Variants in ARHGAP10 observed in about 807,000 individuals in gnomAD.
The protein encoded by ARHGAP10 is Rho GTPase activating protein 10.
ARHGAP10 carries 87 observed loss-of-function variants against 108.6 expected under a neutral mutation model. The observed-to-expected ratio is 0.80, with a 90% CI of 0.67 to 0.96. The LOEUF (loss-of-function observed/expected upper bound fraction) is 0.96, where lower values mean the gene tolerates loss of function less well. Ranked by LOEUF, ARHGAP10 falls within the 40% of genes least tolerant of loss-of-function variation. The pLI is 0.00. For synonymous variants in ARHGAP10, 347 were observed against 341.1 expected, an observed-to-expected ratio of 1.02 and a Z score of -0.19; for missense variants, 939 against 954.5, an observed-to-expected ratio of 0.98 and a Z score of 0.21.
intron 13 of ARHGAP10, among the ~76,000 whole-genome samples, chr4:147,935,480 A>C (rs1006513292): frequency 1.3e-5 from 2 of 152,224 alleles, no homozygotes; most frequent in Non-Finnish European, 2.9e-5. Context: ...AAGAGTGGAC[A>C]TTGACTTGTT....
chr4:147,965,154 A>T (rs749970732), intron 17 of ARHGAP10, 25 bp downstream of exon 17: 2 of 1,559,188 alleles, frequency 1.3e-6, no homozygotes, highest in East Asian at 4.6e-5. Flanking sequence ...CTTCGTTTTA[A>T]CTTTCTTCAC....
intron 1 of ARHGAP10, among the ~76,000 whole-genome samples, chr4:147,767,468 G>A (rs1729882916): frequency 6.6e-6 from 1 of 151,926 alleles, no homozygotes; most frequent in Admixed American, 6.6e-5. Flanking sequence ...AAAACATTGT[G>A]AGGACTGAGA....
intron 1 of ARHGAP10, among the ~76,000 whole-genome samples, chr4:147,784,923 AAT>A (rs1287735031): frequency 1.1e-3 from 138 of 124,424 alleles, no homozygotes; most frequent in African/African-American, 2.8e-3. Context: ...TATATTATAA[AAT>A]ATATGTTATA....
intron 13 of ARHGAP10, among the ~76,000 whole-genome samples, chr4:147,918,566 G>A (rs4027115): frequency 0.12 from 17,938 of 152,114 alleles, 2,457 homozygotes; most frequent in African/African-American, 0.33. Context: ...ACTGGAAAAT[G>A]TATAATTGCA....
At chr4:148,031,214 A>G (rs1440060424) in intron 19 of ARHGAP10, among the ~76,000 whole-genome samples, 1 of 152,210 alleles carries the variant, frequency 6.6e-6, no homozygotes, top group African/African-American at 2.4e-5. Flanking sequence ...TCTGTTTATT[A>G]TCTTGGCTAT....
chr4:147,777,475 A>G (rs759264084), intron 1 of ARHGAP10, among the ~76,000 whole-genome samples: 18 of 152,054 alleles, frequency 1.2e-4, no homozygotes, highest in Non-Finnish European at 1.9e-4. Flanking sequence ...GTTAGCCAGG[A>G]TGGTCTCCAT....
rs553304350 is a variant in ARHGAP10, at chr4:147,990,756, C to T, written c.1716+23917C>T. Among the ~76,000 whole-genome samples the T allele has an allele frequency of 3.9e-4, 60 of 152,220 alleles. No individual in the cohort carries two copies. In the South Asian group the frequency reaches 8.9e-3, roughly 23 times the overall value. On this transcript the variant is annotated intron_variant, in intron 18 of 22. Transcript: ENST00000336498. ...AGGGACACAAAAAGGGAACAACAGA[C>T]GCCGAGGTCTACTTGAGGGACGAGG...
At chr4:147,872,711 A>G (rs1294659560) in intron 7 of ARHGAP10, among the ~76,000 whole-genome samples, 1 of 152,260 alleles carries the variant, frequency 6.6e-6, no homozygotes, top group East Asian at 1.9e-4. Flanking sequence ...AGAAAATGTT[A>G]TTACAAAAAT....
intron 19 of ARHGAP10, among the ~76,000 whole-genome samples, chr4:148,032,900 C>G (rs1728217415): frequency 6.6e-6 from 1 of 152,136 alleles, no homozygotes; most frequent in Admixed American, 6.5e-5. Context: ...GAAGATTCAG[C>G]AAGTCAAGTC....
chr4:147,963,741 C>T (rs1739092061), intron 16 of ARHGAP10, among the ~76,000 whole-genome samples: 1 of 152,150 alleles, frequency 6.6e-6, no homozygotes, highest in African/African-American at 2.4e-5. Flanking sequence ...GGCCGTGCTC[C>T]CTCTGAAGAC....
chr4:148,021,203 T>C (rs1313672337), intron 18 of ARHGAP10, among the ~76,000 whole-genome samples: 1 of 152,174 alleles, frequency 6.6e-6, no homozygotes, highest in East Asian at 1.9e-4. Context: ...ATCAGTCCTC[T>C]GCAGGGTCTC....
chr4:147,785,950 T>A (rs1730874613), intron 1 of ARHGAP10, among the ~76,000 whole-genome samples: 1 of 152,208 alleles, frequency 6.6e-6, no homozygotes, highest in African/African-American at 2.4e-5. Flanking sequence ...AGTGAAAAAC[T>A]GAGTGTATTA....
rs530514047 is a variant in ARHGAP10 at position 147,777,644 on chromosome 4, C to T, written c.155-45083C>T. 2.6e-5 allele frequency among the ~76,000 whole-genome samples: 4 copies of T among 152,288 alleles called. No individual in the cohort carries two copies. The South Asian group carries it at 8.3e-4, about 32-fold the overall frequency. On this transcript the variant is annotated intron_variant, in intron 1 of 22. Transcript: ENST00000336498. ...TGTCAGACGGTCAGATCTCTTAACA[C>T]TGGATCACACTGACTGACCTTTAAG...
intron 1 of ARHGAP10, among the ~76,000 whole-genome samples, chr4:147,741,794 A>ACT (rs1199162557): frequency 4.0e-5 from 1 of 25,310 alleles, no homozygotes; most frequent in Non-Finnish European, 1.2e-4. Context: ...ACACACACGC[A>ACT]CACACACACA....
intron 8 of ARHGAP10, among the ~76,000 whole-genome samples, chr4:147,878,327 C>G (rs980954559): frequency 9.8e-5 from 15 of 152,304 alleles, no homozygotes; most frequent in African/African-American, 3.6e-4. Context: ...CATCTCCTGA[C>G]TTCGTGATCC....
rs538470322 is a variant in ARHGAP10 at position 147,821,149 on chromosome 4, C to A, written c.155-1578C>A. On this transcript the variant is annotated intron_variant, in intron 1 of 22. Coordinates refer to ENST00000336498, the MANE Select transcript of ARHGAP10 (RefSeq NM_024605.4). Reference sequence around the variant, plus strand: ...TCATCAGTGAGCCGGCGAGCCTGGGCTTGTTCTCGTGAAGGACTGAGGGTT... The same window carrying A: ...TCATCAGTGAGCCGGCGAGCCTGGGATTGTTCTCGTGAAGGACTGAGGGTT... Among the ~76,000 whole-genome samples, 49 of 152,230 alleles carry A rather than the reference C, an allele frequency of 3.2e-4. 1 individual carries two copies. The highest frequency in any genetic ancestry group is 1.0e-3 in the African/African-American group (42 of 41,540).
At chr4:147,909,928 G>T in intron 12 of ARHGAP10, 151 bp downstream of exon 12, 2 of 724,678 alleles carry the variant, frequency 2.8e-6, no homozygotes, top group Non-Finnish European at 4.5e-6. Context: ...TATTGCATGT[G>T]TTCTGTTTTA....
At chr4:147,760,373 T>C (rs943148705) in intron 1 of ARHGAP10, among the ~76,000 whole-genome samples, 5 of 152,232 alleles carry the variant, frequency 3.3e-5, no homozygotes, top group Non-Finnish European at 7.3e-5. Context: ...TTAACCAGCT[T>C]GTCCAGATTT....
intron 4 of ARHGAP10, among the ~76,000 whole-genome samples, chr4:147,851,911 G>A (rs547726318): frequency 6.6e-6 from 1 of 152,300 alleles, no homozygotes; most frequent in Admixed American, 6.5e-5. Flanking sequence ...AATTCTTCCT[G>A]GTTTGAATCC....
Sources: allele counts gnomAD v4.1 joint callset (sites outside exome capture counted in the v4.1 genomes callset), GRCh38; gene constraint gnomAD v4.1.1; transcripts MANE v1.5; gene names NCBI Gene and HGNC (gene_info 2026-07-23, HGNC 2026-07-21).